The following SEC24A variants were observed in gnomAD, a reference collection of about 807,000 sequenced individuals.
SEC24A encodes the protein protein transport protein Sec24A.
SEC24A carries 93 observed loss-of-function variants against 129.4 expected under a neutral mutation model. The observed-to-expected ratio is 0.72, with a 90% CI of 0.61 to 0.85. The LOEUF (loss-of-function observed/expected upper bound fraction) is 0.85, where lower values mean the gene tolerates loss of function less well. SEC24A is among the 40% of genes least tolerant of loss of function. The pLI is 0.00. For missense variants in SEC24A, 1,264 were observed against 1,307.4 expected, an observed-to-expected ratio of 0.97 and a Z score of 0.51; for synonymous variants, 460 against 467.3, an observed-to-expected ratio of 0.98 and a Z score of 0.20.
intron 1 of SEC24A, among the ~76,000 whole-genome samples, chr5:134,655,703 C>T (rs1750221306): frequency 6.6e-6 from 1 of 152,020 alleles, no homozygotes; most frequent in Non-Finnish European, 1.5e-5. Context: ...CCACAAATGG[C>T]TTCCTGGTTA....
chr5:134,722,828 T>G (rs1752662280), intron 21 of SEC24A, among the ~76,000 whole-genome samples: 1 of 152,058 alleles, frequency 6.6e-6, no homozygotes, highest in Non-Finnish European at 1.5e-5. Context: ...TTATCTGTAG[T>G]TCAAGAAGAT....
intron 18 of SEC24A, among the ~76,000 whole-genome samples, chr5:134,709,850 T>A (rs1043415154): frequency 3.9e-5 from 6 of 152,146 alleles, no homozygotes; most frequent in Non-Finnish European, 7.3e-5. Context: ...TTTTATTTTA[T>A]TTTATTTTAT....
At chr5:134,675,280 C>T in intron 6 of SEC24A, 63 bp downstream of exon 6, 2 of 1,248,464 alleles carry the variant, frequency 1.6e-6, no homozygotes, top group Admixed American at 4.0e-5. Flanking sequence ...GCAGGGGGCA[C>T]ATCAGGTGTT....
At chr5:134,718,222 T>C (rs762680383) in intron 20 of SEC24A, 49 bp downstream of exon 20, 1 of 1,326,404 alleles carries the variant, frequency 7.5e-7, no homozygotes, top group Non-Finnish European at 1.1e-6. Flanking sequence ...ACTATACTGT[T>C]TTAATTTAGC....
At chr5:134,666,326 C>A (rs182303355) in intron 2 of SEC24A, among the ~76,000 whole-genome samples, 1 of 152,192 alleles carries the variant, frequency 6.6e-6, no homozygotes, top group African/African-American at 2.4e-5. Context: ...GAGGCCAAGG[C>A]GGGCGAATCA....
chr5:134,691,075 A>C (rs1751630076), intron 11 of SEC24A, among the ~76,000 whole-genome samples: 1 of 150,878 alleles, frequency 6.6e-6, no homozygotes, highest in African/African-American at 2.4e-5. Context: ...CTGGTCTCAA[A>C]CTCCTGGCCT....
intron 5 of SEC24A, 104 bp from the exon 6 acceptor site, chr5:134,674,941 A>C: frequency 8.5e-7 from 1 of 1,173,504 alleles, no homozygotes; most frequent in Non-Finnish European, 1.2e-6. Context: ...GAACCAAAAG[A>C]TTGGCCAAGA....
intron 3 of SEC24A, among the ~76,000 whole-genome samples, chr5:134,668,026 C>T (rs1365462660): frequency 2.0e-5 from 3 of 151,814 alleles, no homozygotes; most frequent in Non-Finnish European, 4.4e-5. Flanking sequence ...CCAGCCTGGC[C>T]AACATGGTGA....
In SEC24A at chr5:134,675,082, G is replaced by A. The variant is rs1369524933; in HGVS notation, c.1016G>A (p.Ser339Asn). Reference protein sequence around the residue: ...LGANHLTTSMSGLSLQPEGLR... With the variant: ...LGANHLTTSMNGLSLQPEGLR... The stretch of plus-strand genomic sequence containing the variant: ...GCTAATCATTTAACCACAAGCATGA[G>A]TGGATTAAGTCTACAACCAGAGGGT... Residue 339 changes from serine to asparagine, a missense_variant, in exon 6 of 23, where the codon AGT becomes AAT. Physicochemically the swap from Ser to Asn is conservative, Grantham distance 46. Coordinates refer to ENST00000398844, the MANE Select transcript of SEC24A (RefSeq NM_021982.3). 4 of 1,610,946 alleles carry A rather than the reference G, an allele frequency of 2.5e-6. No homozygotes were observed. The highest frequency in any genetic ancestry group is 2.2e-5 in the South Asian group (2 of 90,694).
intron 19 of SEC24A, among the ~76,000 whole-genome samples, chr5:134,717,665 C>T (rs1036220853): frequency 4.6e-5 from 7 of 152,032 alleles, no homozygotes; most frequent in African/African-American, 1.7e-4. Context: ...ACGCCTGTAA[C>T]AGCACTTTGG....
At chr5:134,681,720 C>G (rs1580706495) in intron 8 of SEC24A, among the ~76,000 whole-genome samples, 1 of 152,130 alleles carries the variant, frequency 6.6e-6, no homozygotes, top group East Asian at 1.9e-4. Context: ...AGTAGGAAGA[C>G]AGATACAATG....
chr5:134,718,299 C>T, intron 20 of SEC24A, 126 bp downstream of exon 20: 4 of 612,782 alleles, frequency 6.5e-6, no homozygotes, highest in Admixed American at 2.6e-5. Flanking sequence ...TATATACAGT[C>T]GTACACTGAT....
chr5:134,672,807 C>CTCGG (rs1222507969), intron 4 of SEC24A, among the ~76,000 whole-genome samples: 1 of 151,762 alleles, frequency 6.6e-6, no homozygotes, highest in Non-Finnish European at 1.5e-5. Flanking sequence ...ACTGTTATAG[C>CTCGG]TCACTGTAGC....
At chr5:134,692,917 G>A (rs1047585810) in intron 12 of SEC24A, 2 of 860,702 alleles carry the variant, frequency 2.3e-6, no homozygotes, top group African/African-American at 3.3e-5. Context: ...AAGGAAATCT[G>A]TCTTGTCAGC....
chr5:134,660,917 CTGA>C (rs1750434873), intron 1 of SEC24A, among the ~76,000 whole-genome samples, 199 bp from the exon 2 acceptor site: 2 of 152,246 alleles, frequency 1.3e-5, no homozygotes, highest in African/African-American at 4.8e-5. Context: ...TCTCTAATGA[CTGA>C]TGATGTTGAA....
chr5:134,689,834 C>T (rs1292908920), intron 11 of SEC24A, among the ~76,000 whole-genome samples: 2 of 151,570 alleles, frequency 1.3e-5, no homozygotes, highest in South Asian at 2.1e-4. Context: ...AATTCTCACA[C>T]GTGCTACAAT....
intron 11 of SEC24A, among the ~76,000 whole-genome samples, chr5:134,691,692 CAG>C (rs1751658852): frequency 6.6e-6 from 1 of 151,868 alleles, no homozygotes; most frequent in African/African-American, 2.4e-5. Flanking sequence ...TTACTAGAGA[CAG>C]GGTTTCACCA....
intron 7 of SEC24A, among the ~76,000 whole-genome samples, chr5:134,677,395 T>C (rs891186509): frequency 3.3e-5 from 5 of 151,930 alleles, no homozygotes; most frequent in African/African-American, 1.2e-4. Flanking sequence ...TGAGGATTGC[T>C]GACTTTCCCA....
intron 13 of SEC24A, 24 bp downstream of exon 13, chr5:134,693,957 A>T (rs1190801987): frequency 6.3e-7 from 1 of 1,588,326 alleles, no homozygotes; most frequent in East Asian, 2.2e-5. Context: ...GAAATGTCTG[A>T]TAAGGTTTAT....
Sources: allele counts gnomAD v4.1 joint callset (sites outside exome capture counted in the v4.1 genomes callset), GRCh38; gene constraint gnomAD v4.1.1; transcripts MANE v1.5; gene names NCBI Gene and HGNC (gene_info 2026-07-23, HGNC 2026-07-21).